Variants in CBFA2T3 observed in about 807,000 individuals in gnomAD.
CBFA2T3 encodes the protein CBFA2/RUNX1 partner transcriptional co-repressor 3, also known as transcriptional corepressor CBFA2T3.
Under a neutral mutation model 58.6 loss-of-function variants are expected in CBFA2T3, and 31 were observed. That is an observed-to-expected ratio of 0.53 (90% CI 0.40 to 0.71). The LOEUF (loss-of-function observed/expected upper bound fraction) is 0.71. Among genes scored for constraint, CBFA2T3 ranks in the 30% least tolerant of loss-of-function variants. CBFA2T3 has a pLI of 0.00. For synonymous variants in CBFA2T3, 531 were observed against 421.9 expected (o/e 1.26, Z -3.17); for missense variants, 1,076 against 963.1 (o/e 1.12, Z -1.55).
intron 1 of CBFA2T3, chr16:88,951,019 C>T (rs878870007): frequency 2.1e-5 from 9 of 423,902 alleles, no homozygotes; most frequent in Non-Finnish European, 2.8e-5. Context: ...TCGCCTGGAC[C>T]GGCACCGGCA....
At chr16:88,941,220 C>A in intron 1 of CBFA2T3, 1 of 965,668 alleles carries the variant, frequency 1.0e-6, no homozygotes, top group Non-Finnish European at 1.2e-6. Flanking sequence ...GCCGGGGACT[C>A]GGCTCCGGCC....
chr16:88,894,230 A>C (rs3927948), intron 3 of CBFA2T3, among the ~76,000 whole-genome samples: 4 of 96,410 alleles, frequency 4.1e-5, no homozygotes, highest in Non-Finnish European at 8.1e-5. Flanking sequence ...ACACATGCAC[A>C]CACACATGCA....
Position 88,880,732 on chromosome 16 carries a change from A to T in CBFA2T3, c.1459T>A (p.Trp487Arg). The change falls in exon 10 of 12, where the codon TGG becomes AGG. Residue 487 changes from tryptophan to arginine, a missense_variant. By Grantham distance (101) the Trp-to-Arg change is moderately radical (BLOSUM62 -3). Transcript: ENST00000268679. ...CACCCCCACTCACCAGCCTTCCTCCAGATGTCCTCAGGCACGTAGCCGGTG... is the reference window on the plus strand; with the variant it reads ...CACCCCCACTCACCAGCCTTCCTCCTGATGTCCTCAGGCACGTAGCCGGTG... ...TLTGYVPEDI[W>R]RKAEEAVNEV... The T allele has an allele frequency of 6.4e-7, 1 of 1,570,960 alleles. No homozygotes were observed. The highest frequency in any genetic ancestry group is 1.2e-5 in the South Asian group (1 of 85,736).
intron 1 of CBFA2T3, among the ~76,000 whole-genome samples, chr16:88,919,673 C>T (rs762723098): frequency 2.6e-5 from 4 of 152,168 alleles, no homozygotes; most frequent in African/African-American, 4.8e-5. Context: ...GCGGAGTCCC[C>T]GGGCGGGACC....
intron 1 of CBFA2T3, among the ~76,000 whole-genome samples, chr16:88,902,773 C>T (rs1348476202): frequency 1.3e-5 from 2 of 152,200 alleles, no homozygotes; most frequent in South Asian, 2.1e-4. Context: ...GGGGCCTCAG[C>T]GGCTTAGAGC....
At chr16:88,878,391 G>A (rs1026428029) in intron 11 of CBFA2T3, among the ~76,000 whole-genome samples, 2 of 152,314 alleles carry the variant, frequency 1.3e-5, no homozygotes, top group East Asian at 1.9e-4. Context: ...ATGCACACAG[G>A]GGCTTCAGAT....
chr16:88,884,715 T>C, intron 7 of CBFA2T3: 2 of 257,622 alleles, frequency 7.8e-6, no homozygotes, highest in African/African-American at 2.2e-5. Flanking sequence ...CTGGCCCAGG[T>C]GACAGAGGAG....
chr16:88,904,707 T>C (rs1167524640), intron 1 of CBFA2T3, among the ~76,000 whole-genome samples: 1 of 151,090 alleles, frequency 6.6e-6, no homozygotes, highest in Admixed American at 6.6e-5. Context: ...AGATGGGACC[T>C]TTCCGGGCCC....
chr16:88,876,939 C>G lies in CBFA2T3; in HGVS notation c.*37G>C. ...TGGGCCTGGAGCTGGGTGGGGTTGG[C>G]ACGGTGCTGTGTCCGGCAGGCCAGG... On this transcript the variant is annotated 3_prime_UTR_variant, in exon 12 of 12. Transcript: ENST00000268679. 7.2e-7 allele frequency: 1 copy of G among 1,380,814 alleles called. No individual in the cohort carries two copies. Among genetic ancestry groups the G allele is most frequent in the Non-Finnish European group, 9.4e-7 (1 of 1,065,566 alleles). The allele number at this position is 1,380,814 out of a possible 1,614,324, so 85.5% of individuals were successfully genotyped here.
Position 88,880,595 on chromosome 16 carries a change from G to T in CBFA2T3, c.1471+125C>A, listed in dbSNP as rs553134334. On this transcript the variant is annotated intron_variant, in intron 10 of 11. Transcript: ENST00000268679. ...TCCGTGAGCCACACAGCGGAATGCA[G>T]AAAGCCTTGTAGCCTGAGCCCCCAG... 1.3e-3 allele frequency: 1,019 copies of T among 792,936 alleles called. 8 individuals carry two copies. The African/African-American group carries it at 0.016, about 12-fold the overall frequency. The allele number at this position is 792,936 out of a possible 1,614,324, so 49.1% of individuals were successfully genotyped here.
intron 1 of CBFA2T3, among the ~76,000 whole-genome samples, chr16:88,901,978 C>T (rs1195277013): frequency 6.6e-6 from 1 of 152,188 alleles, no homozygotes; most frequent in East Asian, 1.9e-4. Flanking sequence ...GGCAGTGCCC[C>T]GAGGCAGCGG....
intron 1 of CBFA2T3, among the ~76,000 whole-genome samples, chr16:88,912,085 G>C (rs532923136): frequency 8.5e-5 from 13 of 152,348 alleles, no homozygotes; most frequent in Admixed American, 8.5e-4. Context: ...TCCGGGCCCC[G>C]GCCCAGGGCT....
At chr16:88,918,581 C>T (rs774774025) in intron 1 of CBFA2T3, among the ~76,000 whole-genome samples, 10 of 152,262 alleles carry the variant, frequency 6.6e-5, no homozygotes, top group South Asian at 2.1e-4. Context: ...AAATTTGTGG[C>T]TGTTGCTGGT....
intron 1 of CBFA2T3, among the ~76,000 whole-genome samples, chr16:88,964,226 T>C (rs1313429616): frequency 6.6e-6 from 1 of 152,220 alleles, no homozygotes; most frequent in Non-Finnish European, 1.5e-5. Flanking sequence ...GTTGCCTCTC[T>C]CTAGCATGAG....
At chr16:88,896,005 A>C (rs1360204661) in intron 3 of CBFA2T3, among the ~76,000 whole-genome samples, 3 of 152,188 alleles carry the variant, frequency 2.0e-5, no homozygotes, top group Admixed American at 2.0e-4. Context: ...CCCCAGCCAG[A>C]GTCGCTCAGG....
intron 1 of CBFA2T3, among the ~76,000 whole-genome samples, chr16:88,925,083 C>A (rs1176989753): frequency 6.6e-6 from 1 of 152,224 alleles, no homozygotes; most frequent in Non-Finnish European, 1.5e-5. Context: ...AGAGAGGGAC[C>A]CGCCCGGAAT....
At chr16:88,965,525 C>G in intron 1 of CBFA2T3, among the ~76,000 whole-genome samples, 1 of 152,228 alleles carries the variant, frequency 6.6e-6, no homozygotes, top group East Asian at 1.9e-4. Context: ...CTTCTACAAC[C>G]CAGGGGGCTA....
At chr16:88,932,796 A>AAG (rs1420664725) in intron 1 of CBFA2T3, among the ~76,000 whole-genome samples, 1 of 133,742 alleles carries the variant, frequency 7.5e-6, no homozygotes, top group East Asian at 2.0e-4. Context: ...AAATACAAAA[A>AAG]AAAAAAAAAA....
chr16:88,946,674 G>C (rs1009980706), intron 1 of CBFA2T3, among the ~76,000 whole-genome samples: 5 of 152,032 alleles, frequency 3.3e-5, no homozygotes, highest in African/African-American at 1.2e-4. Context: ...GTAGAGACAG[G>C]GTTTCACCAT....
Sources: gnomAD v4.1 joint callset for allele counts (sites outside exome capture counted in the v4.1 genomes callset) on GRCh38, gnomAD v4.1.1 for gene constraint, MANE v1.5 for transcripts, NCBI Gene and HGNC (gene_info 2026-07-23, HGNC 2026-07-21) for gene names.